IGF2BP3: variants seen among roughly 807,000 people sequenced by gnomAD.
IGF2BP3 encodes insulin like growth factor 2 mRNA binding protein 3.
In IGF2BP3, 9 loss-of-function variants were observed where a neutral mutation model predicts 73.8. The observed-to-expected ratio is 0.12, with a 90% CI of 0.07 to 0.21. The LOEUF is 0.21. Ranked by LOEUF, IGF2BP3 falls within the 10% of genes least tolerant of loss-of-function variation. The pLI is 1.00. For synonymous variants in IGF2BP3, 258 were observed against 256.7 expected (o/e 1.01, Z -0.05); for missense variants, 542 against 714.0 (o/e 0.76, Z 2.75).
At chr7:23,418,682 C>A (rs1787260618) in intron 3 of IGF2BP3, 94 bp downstream of exon 3, 2 of 820,876 alleles carry the variant, frequency 2.4e-6, no homozygotes, top group South Asian at 3.3e-5. Context: ...TTCTAGCACA[C>A]CCAAGAGTTG....
intron 2 of IGF2BP3, among the ~76,000 whole-genome samples, chr7:23,467,436 T>G (rs1366012424): frequency 6.6e-6 from 1 of 152,056 alleles, no homozygotes; most frequent in Non-Finnish European, 1.5e-5. Context: ...AGGTTGGGAG[T>G]TGGGGGGATG....
chr7:23,311,221 CTG>C lies in IGF2BP3; in HGVS notation c.*1139_*1140del, dbSNP rs1274715972. 7.2e-5 allele frequency: 11 copies of C among 152,240 alleles called. No homozygotes were observed. The highest frequency in any genetic ancestry group is 2.0e-4 in the Admixed American group (3 of 15,256). The allele number at this position is 152,240 out of a possible 1,614,324, so 9.4% of individuals were successfully genotyped here. A position where few individuals can be genotyped will look rare whatever the true frequency, so the allele number is the denominator to read the frequency against. ...TGTAGCCTTTTGTTGCGTTTAAACA[CTG>C]TCACACCATCTATGACTGTCCCATT... On this transcript the variant is annotated 3_prime_UTR_variant, in exon 15 of 15. Coordinates refer to ENST00000258729, the MANE Select transcript of IGF2BP3 (RefSeq NM_006547.3).
At chr7:23,447,214 C>T (rs1788087184) in intron 2 of IGF2BP3, among the ~76,000 whole-genome samples, 1 of 151,794 alleles carries the variant, frequency 6.6e-6, no homozygotes, top group Admixed American at 6.6e-5. Flanking sequence ...CACACACACA[C>T]AGCCTCACCT....
intron 2 of IGF2BP3, among the ~76,000 whole-genome samples, chr7:23,443,070 C>A (rs996779906): frequency 4.8e-5 from 7 of 144,850 alleles, no homozygotes; most frequent in Non-Finnish European, 9.0e-5. Context: ...TAAACCGTAT[C>A]AATCAGATCT....
In IGF2BP3 at chr7:23,338,458, C is replaced by A. The variant is rs11971963; in HGVS notation, c.1203+3606G>T. ...ATCACTTGCACCCAGGAGTTCAATTCCAGCCTGGGCAACATAGTGAGTCCC... is the reference window on the plus strand; with the variant it reads ...ATCACTTGCACCCAGGAGTTCAATTACAGCCTGGGCAACATAGTGAGTCCC... On this transcript the variant is annotated intron_variant, in intron 10 of 14. Coordinates refer to ENST00000258729, the MANE Select transcript of IGF2BP3 (RefSeq NM_006547.3). 8.8e-3 allele frequency among the ~76,000 whole-genome samples: 1,346 copies of A among 152,204 alleles called. 20 individuals are homozygous for A. The highest frequency in any genetic ancestry group is 0.03 in the African/African-American group (1,264 of 41,524).
chr7:23,428,455 G>C (rs921833191), intron 2 of IGF2BP3, among the ~76,000 whole-genome samples: 1 of 151,770 alleles, frequency 6.6e-6, no homozygotes, highest in Non-Finnish European at 1.5e-5. Context: ...CTGGGCGACA[G>C]AGAGAGACTC....
At chr7:23,435,477 G>A (rs765650365) in intron 2 of IGF2BP3, among the ~76,000 whole-genome samples, 8 of 150,120 alleles carry the variant, frequency 5.3e-5, no homozygotes, top group South Asian at 4.2e-4. Context: ...TCTTTGAGAC[G>A]GAGTCTCGCT....
chr7:23,348,849 G>A (rs1447890366), intron 6 of IGF2BP3, among the ~76,000 whole-genome samples: 2 of 152,116 alleles, frequency 1.3e-5, no homozygotes, highest in Non-Finnish European at 2.9e-5. Context: ...ATCTAATTGC[G>A]GGAAGAGATG....
At chr7:23,464,662 C>T (rs1788522805) in intron 2 of IGF2BP3, among the ~76,000 whole-genome samples, 1 of 149,898 alleles carries the variant, frequency 6.7e-6, no homozygotes, top group South Asian at 2.1e-4. Flanking sequence ...CCAGCCTGGG[C>T]AACAGAGAGA....
At chr7:23,372,430 G>C (rs1785582292) in intron 3 of IGF2BP3, among the ~76,000 whole-genome samples, 1 of 152,026 alleles carries the variant, frequency 6.6e-6, no homozygotes, top group African/African-American at 2.4e-5. Flanking sequence ...CATCACCCAG[G>C]TAGTGTATAC....
At chr7:23,334,886 G>C (rs1307648125) in intron 10 of IGF2BP3, among the ~76,000 whole-genome samples, 1 of 152,002 alleles carries the variant, frequency 6.6e-6, no homozygotes, top group African/African-American at 2.4e-5. Flanking sequence ...CAAAGGCATG[G>C]AGACATGCAT....
chr7:23,456,963 C>T (rs1443452702), intron 2 of IGF2BP3, among the ~76,000 whole-genome samples: 1 of 152,126 alleles, frequency 6.6e-6, no homozygotes, highest in East Asian at 1.9e-4. Context: ...GCAGGAGAAT[C>T]CCTTGAAACC....
intron 2 of IGF2BP3, among the ~76,000 whole-genome samples, chr7:23,463,950 T>C (rs539576910): frequency 1.6e-4 from 25 of 152,262 alleles, no homozygotes; most frequent in African/African-American, 5.3e-4. Context: ...GCCAAGAAAG[T>C]TTCCTAACAT....
chr7:23,353,122 G>A (rs142588206), intron 5 of IGF2BP3, among the ~76,000 whole-genome samples: 1 of 152,264 alleles, frequency 6.6e-6, no homozygotes, highest in African/African-American at 2.4e-5. Context: ...GTGTCACTCA[G>A]GTTCTTTGCT....
At chr7:23,447,668 C>T (rs1788098081) in intron 2 of IGF2BP3, among the ~76,000 whole-genome samples, 1 of 151,876 alleles carries the variant, frequency 6.6e-6, no homozygotes, top group South Asian at 2.1e-4. Context: ...AAGGAACTGT[C>T]CCAGATTAAA....
intron 2 of IGF2BP3, among the ~76,000 whole-genome samples, chr7:23,454,433 G>A (rs1409650410): frequency 2.0e-5 from 3 of 152,126 alleles, no homozygotes; most frequent in South Asian, 2.1e-4. Flanking sequence ...CATAAACCAC[G>A]GGGTCATACG....
intron 3 of IGF2BP3, among the ~76,000 whole-genome samples, chr7:23,374,993 G>A (rs755657998): frequency 2.0e-5 from 3 of 152,034 alleles, no homozygotes; most frequent in African/African-American, 7.2e-5. Context: ...TATATTATGT[G>A]AATTTCTCAA....
chr7:23,460,710 G>C (rs1430159672), intron 2 of IGF2BP3, among the ~76,000 whole-genome samples: 1 of 152,124 alleles, frequency 6.6e-6, no homozygotes, highest in Non-Finnish European at 1.5e-5. Context: ...AACACTTTGG[G>C]AGGCCGAGAC....
intron 2 of IGF2BP3, among the ~76,000 whole-genome samples, chr7:23,422,672 T>C (rs529900876): frequency 1.6e-4 from 24 of 152,360 alleles, no homozygotes; most frequent in African/African-American, 5.3e-4. Context: ...CCAACACCCA[T>C]TTAATTATTG....
Sources: allele counts gnomAD v4.1 joint callset (sites outside exome capture counted in the v4.1 genomes callset), GRCh38; gene constraint gnomAD v4.1.1; transcripts MANE v1.5; gene names NCBI Gene and HGNC (gene_info 2026-07-23, HGNC 2026-07-21).